DIAPH2: variants seen among roughly 807,000 people sequenced by gnomAD.
The protein encoded by DIAPH2 is diaphanous related formin 2, also known as protein diaphanous homolog 2.
DIAPH2 carries 35 observed loss-of-function variants against 92.7 expected under a neutral mutation model. The ratio of observed to expected loss-of-function variants is 0.38; its 90% CI spans 0.29 to 0.50. DIAPH2 has a LOEUF of 0.50. Ranked by LOEUF, DIAPH2 falls within the 20% of genes least tolerant of loss-of-function variation. DIAPH2 has a pLI of 0.94. For missense variants in DIAPH2, 701 were observed against 819.5 expected (o/e 0.86, Z 1.77); for synonymous variants, 301 against 280.4 (o/e 1.07, Z -0.73).
intron 22 of DIAPH2, among the ~76,000 whole-genome samples, chrX:97,241,462 TA>T (rs1259976382): frequency 9.0e-6 from 1 of 110,575 alleles, no homozygotes; most frequent in Non-Finnish European, 1.9e-5. Context: ...CGCGCCCTGC[TA>T]ATTTTTTTGT....
chrX:97,243,584 A>G (rs1252947961), intron 22 of DIAPH2, among the ~76,000 whole-genome samples: 3 of 111,780 alleles, frequency 2.7e-5, no homozygotes, highest in African/African-American at 6.5e-5. Context: ...CATCTCCAAT[A>G]TTTTATTCTC....
chrX:97,449,627 G>A lies in DIAPH2; in HGVS notation c.3241+19882G>A, dbSNP rs999406151. On this transcript the variant is annotated intron_variant, in intron 26 of 26. Transcript: ENST00000324765. Reference sequence around the variant, plus strand: ...AGGTAGTATTTTCAATTGGTTACCCGGCTTTTAACAAAACAATTCCTATTA... The same window carrying A: ...AGGTAGTATTTTCAATTGGTTACCCAGCTTTTAACAAAACAATTCCTATTA... 2.7e-5 allele frequency: 20 copies of A among 733,484 alleles called. No homozygotes were observed. In the African/African-American group the frequency reaches 3.5e-4, roughly 13 times the overall value. The allele number at this position is 733,484 out of a possible 1,213,427, so 60.4% of individuals were successfully genotyped here.
chrX:97,575,166 A>C (rs2071393174), intron 26 of DIAPH2, among the ~76,000 whole-genome samples: 1 of 113,059 alleles, frequency 8.8e-6, no homozygotes, highest in Admixed American at 9.3e-5. Flanking sequence ...GGCTTAAGCC[A>C]CAGAAATGTA....
intron 9 of DIAPH2, among the ~76,000 whole-genome samples, chrX:96,927,086 A>G (rs1209703842): frequency 9.0e-6 from 1 of 111,518 alleles, no homozygotes; most frequent in East Asian, 2.8e-4. Context: ...TGTGGTAGAA[A>G]AAATGCAAGG....
At position 96,957,949 on chromosome X, in the gene DIAPH2, C is replaced by T; in HGVS notation, c.1736C>T (p.Pro579Leu). ...PPLPGGAPLPPPPPPLPGMMG... is the reference protein window; with the variant it reads ...PPLPGGAPLPLPPPPLPGMMG... ...CTACCCGGAGGAGCTCCTCTTCCTC[C>T]TCCACCACCTCCTTTACCTGGAATG... Residue 579 changes from proline (P) to leucine (L), a missense_variant, in exon 16 of 27, where the codon CCT becomes CTT. By Grantham distance (98) the Pro-to-Leu change is moderately conservative (BLOSUM62 -3). This residue lies in a region of DIAPH2 where 536 missense variants were observed against 599.3 expected (regional missense o/e 0.89). Coordinates refer to ENST00000324765, the MANE Select transcript of DIAPH2 (RefSeq NM_006729.5). 8.3e-7 allele frequency: 1 copy of T among 1,210,375 alleles called. No homozygotes were observed. Among genetic ancestry groups the T allele is most frequent in the Non-Finnish European group, 1.1e-6 (1 of 894,940 alleles).
chrX:97,230,931 A>G (rs1054945098), intron 22 of DIAPH2, among the ~76,000 whole-genome samples: 1 of 112,358 alleles, frequency 8.9e-6, no homozygotes. Context: ...CTGAGACTCA[A>G]AGTGGTTTAG....
At chrX:97,314,411 T>C (rs1446810349) in intron 23 of DIAPH2, among the ~76,000 whole-genome samples, 2 of 110,610 alleles carry the variant, frequency 1.8e-5, no homozygotes, top group African/African-American at 6.6e-5. Context: ...AGATTCTGTC[T>C]CAAAAAATAA....
intron 12 of DIAPH2, among the ~76,000 whole-genome samples, 156 bp downstream of exon 12, chrX:96,939,538 A>ATG (rs1304015549): frequency 4.9e-5 from 4 of 82,089 alleles, no homozygotes; most frequent in Non-Finnish European, 7.0e-5. Context: ...ATGTATATAT[A>ATG]TATGTATGTA....
In DIAPH2 at chrX:97,459,848, G is replaced by T. The variant is rs147228426; in HGVS notation, c.3241+30103G>T. The stretch of plus-strand genomic sequence containing the variant: ...CTAAGCTCTCTGGGTTCAAATCCTG[G>T]CACTACCACTTCCTAGTTGTGTATC... On this transcript the variant is annotated intron_variant, in intron 26 of 26. Coordinates refer to ENST00000324765, the MANE Select transcript of DIAPH2 (RefSeq NM_006729.5). 1.9e-3 allele frequency among the ~76,000 whole-genome samples: 213 copies of T among 111,611 alleles called. 1 individual carries two copies. The highest frequency in any genetic ancestry group is 6.7e-3 in the African/African-American group (206 of 30,741).
At chrX:96,707,577 G>C (rs1198166315) in intron 1 of DIAPH2, among the ~76,000 whole-genome samples, 1 of 109,417 alleles carries the variant, frequency 9.1e-6, no homozygotes, top group Non-Finnish European at 1.9e-5. Context: ...GAACCTGGGA[G>C]GTGGAGGTTG....
chrX:97,293,230 T>C (rs891811771), intron 23 of DIAPH2, among the ~76,000 whole-genome samples: 3 of 108,788 alleles, frequency 2.8e-5, no homozygotes, highest in African/African-American at 1.0e-4. Context: ...CCTGTCTTTG[T>C]TGATATTTCT....
chrX:96,774,177 A>G (rs1156913578), intron 4 of DIAPH2, among the ~76,000 whole-genome samples: 1 of 111,940 alleles, frequency 8.9e-6, no homozygotes, highest in Non-Finnish European at 1.9e-5. Context: ...TTGGGGTTAC[A>G]TAGTAAGTAA....
chrX:96,729,110 A>G (rs1419360976), intron 1 of DIAPH2, among the ~76,000 whole-genome samples: 3 of 112,177 alleles, frequency 2.7e-5, no homozygotes, highest in Non-Finnish European at 5.6e-5. Flanking sequence ...GGGGGCTTCC[A>G]GGTCACAGGT....
chrX:97,443,008 A>G (rs1382081336), intron 26 of DIAPH2, among the ~76,000 whole-genome samples: 2 of 109,281 alleles, frequency 1.8e-5, no homozygotes, highest in Non-Finnish European at 3.8e-5. Context: ...ACAGCCCCTC[A>G]ACCCCACCCC....
intron 22 of DIAPH2, among the ~76,000 whole-genome samples, chrX:97,146,775 A>C (rs1220656261): frequency 8.9e-6 from 1 of 111,912 alleles, no homozygotes; most frequent in Non-Finnish European, 1.9e-5. Context: ...AGTGGGGAAA[A>C]ACACATCATT....
In DIAPH2 at chrX:96,941,207, T is replaced by C. The variant is rs192266177; in HGVS notation, c.1326-811T>C. Among the ~76,000 whole-genome samples, 556 of 112,122 alleles carry C rather than the reference T, an allele frequency of 5.0e-3. 5 individuals are homozygous for C. Among genetic ancestry groups the C allele is most frequent in the African/African-American group, 0.018 (546 of 30,964 alleles). On this transcript the variant is annotated intron_variant, in intron 12 of 26. Transcript: ENST00000324765. ...TCAGCACACTATATTTAGGGAAGTT[T>C]ATATCATAATTTGTCTATAGTCGTA...
At position 97,378,476 on chromosome X, in the gene DIAPH2, C is replaced by A. The variant is rs184745631; in HGVS notation, c.3010-5433C>A. ...GCAGGAGGATCACTTGACTTCAAGA[C>A]CAGCCTGGGCAACATAGCTGGGCTC... On this transcript the variant is annotated intron_variant, in intron 24 of 26. Transcript: ENST00000324765. 3.8e-3 allele frequency among the ~76,000 whole-genome samples: 424 copies of A among 110,384 alleles called. 3 individuals are homozygous for A. The highest frequency in any genetic ancestry group is 0.013 in the African/African-American group (393 of 30,318).
At chrX:97,055,491 A>G (rs1023248621) in intron 17 of DIAPH2, among the ~76,000 whole-genome samples, 2 of 111,289 alleles carry the variant, frequency 1.8e-5, no homozygotes, top group Non-Finnish European at 3.8e-5. Flanking sequence ...GTAACTGAGA[A>G]TGAGTTCATG....
chrX:97,449,930 C>T (rs1176081245), intron 26 of DIAPH2, among the ~76,000 whole-genome samples: 1 of 109,595 alleles, frequency 9.1e-6, no homozygotes, highest in Admixed American at 9.8e-5. Context: ...CTGTCCTCTG[C>T]ATTATATAGC....
Sources: gnomAD v4.1 joint callset for allele counts (sites outside exome capture counted in the v4.1 genomes callset) on GRCh38, gnomAD v4.1.1 for gene constraint, gnomAD v4.1.1 regional missense constraint, MANE v1.5 for transcripts, NCBI Gene and HGNC (gene_info 2026-07-23, HGNC 2026-07-21) for gene names.